ATXN7: variants seen among roughly 807,000 people sequenced by gnomAD.
ATXN7 encodes ataxin 7.
Under a neutral mutation model 70.5 loss-of-function variants are expected in ATXN7, and 12 were observed. The ratio of observed to expected loss-of-function variants is 0.17; its 90% CI spans 0.11 to 0.28. ATXN7 has a LOEUF of 0.28. Ranked by LOEUF, ATXN7 falls within the 10% of genes least tolerant of loss-of-function variation. The pLI, the probability that ATXN7 is intolerant of heterozygous loss-of-function variation, is 1.00. For missense variants in ATXN7, 1,256 were observed against 1,131.7 expected (o/e 1.11, Z -1.58); for synonymous variants, 498 against 448.7 (o/e 1.11, Z -1.39).
intron 1 of ATXN7, 37 bp from the exon 2 acceptor site, chr3:63,898,362 A>G (rs139053571): frequency 1.2e-4 from 19 of 152,272 alleles, no homozygotes; most frequent in African/African-American, 3.9e-4. Flanking sequence ...TTGTCCATCC[A>G]CTGTTTCATC....
At chr3:63,877,055 G>T (rs986347520) in intron 1 of ATXN7, among the ~76,000 whole-genome samples, 1 of 152,092 alleles carries the variant, frequency 6.6e-6, no homozygotes, top group African/African-American at 2.4e-5. Flanking sequence ...TGCACATTTT[G>T]AATGGTTTTT....
intron 8 of ATXN7, among the ~76,000 whole-genome samples, chr3:63,984,625 A>G (rs2075544432): frequency 6.6e-6 from 1 of 152,198 alleles, no homozygotes; most frequent in African/African-American, 2.4e-5. Context: ...CAAACCCAAG[A>G]TGTTCTTTTT....
At chr3:63,946,426 T>C (rs910620709) in intron 4 of ATXN7, among the ~76,000 whole-genome samples, 4 of 151,912 alleles carry the variant, frequency 2.6e-5, no homozygotes, top group Admixed American at 1.3e-4. Context: ...GATCACAAGG[T>C]CAGGAGATTG....
intron 1 of ATXN7, among the ~76,000 whole-genome samples, chr3:63,898,024 A>G (rs901759711): frequency 6.6e-6 from 1 of 152,190 alleles, no homozygotes; most frequent in East Asian, 1.9e-4. Flanking sequence ...ATCTCATTCA[A>G]TCTGTGTTTT....
intron 11 of ATXN7, among the ~76,000 whole-genome samples, chr3:63,994,034 A>G (rs1342205501): frequency 6.6e-6 from 1 of 152,110 alleles, no homozygotes. Context: ...CTAGCCTCTC[A>G]ATCTTGGCTC....
At chr3:63,937,547 A>G (rs1022915655) in intron 4 of ATXN7, among the ~76,000 whole-genome samples, 1 of 152,240 alleles carries the variant, frequency 6.6e-6, no homozygotes, top group Non-Finnish European at 1.5e-5. Flanking sequence ...TTACGTGAAT[A>G]GTTTTACATA....
intron 5 of ATXN7, among the ~76,000 whole-genome samples, chr3:63,968,948 TTAATC>T (rs2106716448): frequency 6.6e-6 from 1 of 152,356 alleles, no homozygotes; most frequent in African/African-American, 2.4e-5. Context: ...TCTTAAACCT[TTAATC>T]AAATTGCTGT....
At chr3:63,899,355 G>T (rs1299815523) in intron 2 of ATXN7, among the ~76,000 whole-genome samples, 1 of 151,696 alleles carries the variant, frequency 6.6e-6, no homozygotes, top group Non-Finnish European at 1.5e-5. Flanking sequence ...AGCCACCAAC[G>T]CCTGGCACAT....
rs760800679 is a variant in ATXN7, at chr3:63,913,238, C to T, written c.394+13C>T. 6.2e-7 allele frequency: 1 copy of T among 1,612,678 alleles called. No individual in the cohort carries two copies. The highest frequency in any genetic ancestry group is 1.1e-5 in the South Asian group (1 of 91,012). Reference sequence around the variant, plus strand: ...CTCTGTCGGGAAGGTGAGTCCAGCCCCCCTGATGGAGTTTGTACAAACCCC... The same window carrying T: ...CTCTGTCGGGAAGGTGAGTCCAGCCTCCCTGATGGAGTTTGTACAAACCCC... On this transcript the variant is annotated intron_variant, in intron 4 of 12. Coordinates refer to ENST00000674280, the MANE Select transcript of ATXN7 (RefSeq NM_001377405.1).
chr3:63,947,814 G>A (rs1238730737), intron 4 of ATXN7, among the ~76,000 whole-genome samples: 3 of 152,180 alleles, frequency 2.0e-5, no homozygotes, highest in Non-Finnish European at 4.4e-5. Context: ...ATCTTGTGAA[G>A]TGCAAGCATA....
intron 2 of ATXN7, 77 bp from the exon 3 acceptor site, chr3:63,912,511 C>A: frequency 1.0e-6 from 1 of 966,664 alleles, no homozygotes; most frequent in Non-Finnish European, 1.3e-6. Flanking sequence ...GCCGCGCACG[C>A]CGCCGGAACT....
chr3:63,981,351 T>C (rs1252648280), intron 6 of ATXN7, among the ~76,000 whole-genome samples: 1 of 152,248 alleles, frequency 6.6e-6, no homozygotes, highest in Non-Finnish European at 1.5e-5. Context: ...GCCAGTGTAG[T>C]GTGTAAGTCA....
At chr3:63,903,776 T>G (rs1214462204) in intron 2 of ATXN7, 1 of 152,198 alleles carries the variant, frequency 6.6e-6, no homozygotes, top group East Asian at 1.9e-4. Flanking sequence ...CAGAGATGGG[T>G]TCCAGGACCA....
chr3:63,923,066 C>T (rs189698441), intron 4 of ATXN7, among the ~76,000 whole-genome samples: 281 of 152,268 alleles, frequency 1.8e-3, no homozygotes, highest in Admixed American at 3.1e-3. Flanking sequence ...AGTTTCAGAC[C>T]GTGTCCTTTA....
chr3:63,950,337 T>G (rs529636218), intron 4 of ATXN7, among the ~76,000 whole-genome samples: 1 of 152,318 alleles, frequency 6.6e-6, no homozygotes, highest in South Asian at 2.1e-4. Context: ...AGTGATCTAT[T>G]TTAAGCAACA....
intron 4 of ATXN7, among the ~76,000 whole-genome samples, chr3:63,948,519 G>A (rs1008073984): frequency 6.6e-5 from 10 of 152,154 alleles, no homozygotes; most frequent in African/African-American, 1.2e-4. Context: ...TTTGGGATGC[G>A]TGGGAAAAGG....
upstream of ATXN7, chr3:63,863,441 C>T (rs560975554): frequency 7.1e-6 from 8 of 1,120,978 alleles, no homozygotes; most frequent in Middle Eastern, 3.8e-4. Context: ...GCCCTTGCAC[C>T]GCTTCTAGCC....
intron 4 of ATXN7, among the ~76,000 whole-genome samples, chr3:63,917,171 C>A (rs775824665): frequency 1.3e-5 from 2 of 152,134 alleles, no homozygotes; most frequent in African/African-American, 2.4e-5. Context: ...CCACCCACCT[C>A]GGCCTCCCAA....
chr3:63,948,620 A>C (rs924244475), intron 4 of ATXN7, among the ~76,000 whole-genome samples: 2 of 152,206 alleles, frequency 1.3e-5, no homozygotes, highest in Non-Finnish European at 2.9e-5. Context: ...TGGAGATAGC[A>C]ACACCAAAGT....
Sources: allele counts gnomAD v4.1 joint callset (sites outside exome capture counted in the v4.1 genomes callset), GRCh38; gene constraint gnomAD v4.1.1; transcripts MANE v1.5; gene names NCBI Gene and HGNC (gene_info 2026-07-23, HGNC 2026-07-21).